Variants in KIF14 observed in about 807,000 individuals in gnomAD.
KIF14 encodes the protein kinesin-like protein KIF14.
KIF14 carries 98 observed loss-of-function variants against 176.2 expected under a neutral mutation model. The observed-to-expected ratio is 0.56, with a 90% CI of 0.47 to 0.66. The LOEUF (loss-of-function observed/expected upper bound fraction) is 0.66. Ranked by LOEUF, KIF14 falls within the 30% of genes least tolerant of loss-of-function variation. KIF14 has a pLI of 0.00. For synonymous variants in KIF14, 566 were observed against 632.2 expected, an observed-to-expected ratio of 0.90 and a Z score of 1.57; for missense variants, 1,751 against 1,920.4, an observed-to-expected ratio of 0.91 and a Z score of 1.65.
At position 200,618,110 on chromosome 1, in the gene KIF14, C is replaced by G. The variant is rs1660499361; in HGVS notation, c.614G>C (p.Arg205Thr). Residue 205 changes from arginine (R) to threonine (T), a missense_variant, in exon 2 of 30, where the codon AGA becomes ACA. Arg to Thr is a moderately conservative substitution (Grantham distance 71). Transcript: ENST00000367350. ...KYKETFSAPS[R>T]ANENVALKYS... ...CTTAAGTGCAACATTTTCATTTGCTCTACTGGGGGCAGAAAATGTTTCTTT... is the reference window on the plus strand; with the variant it reads ...CTTAAGTGCAACATTTTCATTTGCTGTACTGGGGGCAGAAAATGTTTCTTT... 1.2e-6 allele frequency: 2 copies of G among 1,613,912 alleles called. No individual in the cohort carries two copies. The highest frequency in any genetic ancestry group is 1.1e-5 in the South Asian group (1 of 91,086).
intron 18 of KIF14, among the ~76,000 whole-genome samples, chr1:200,586,536 T>A (rs1252777193): frequency 6.6e-6 from 1 of 151,816 alleles, no homozygotes; most frequent in Non-Finnish European, 1.5e-5. Context: ...TAAAATTTCC[T>A]TACAAAATAA....
At chr1:200,615,224 T>A (rs1660353205) in intron 3 of KIF14, 131 bp downstream of exon 3, 2 of 954,280 alleles carry the variant, frequency 2.1e-6, no homozygotes, top group Non-Finnish European at 1.6e-6. Context: ...AGAACTGGTA[T>A]ATAAAATGGA....
chr1:200,553,434 G>T lies in KIF14; in HGVS notation c.4901C>A (p.Ala1634Glu). Residue 1634 changes from alanine to glutamate, a missense_variant, in exon 30 of 30, where the codon GCA becomes GAA. Coordinates refer to ENST00000367350, the MANE Select transcript of KIF14 (RefSeq NM_014875.3). ...RVYELHGSSP[A>E]VSSEECTPSR... ...GGGTGTGCATTCCTCTGAGCTCACT[G>T]CTGGGGATGAGCCATGGAGCTCATA... is the stretch of plus-strand genomic sequence containing the variant. 1 of 1,613,962 alleles carries T rather than the reference G, an allele frequency of 6.2e-7. No individual in the cohort carries two copies. Among genetic ancestry groups the T allele is most frequent in the Non-Finnish European group, 8.5e-7 (1 of 1,179,958 alleles).
At chr1:200,583,917 G>A (rs995145345) in intron 19 of KIF14, among the ~76,000 whole-genome samples, 1 of 151,028 alleles carries the variant, frequency 6.6e-6, no homozygotes, top group African/African-American at 2.4e-5. Context: ...ATTCCAGCCT[G>A]GGCAACAACA....
At chr1:200,587,393 A>G (rs1490699629) in intron 18 of KIF14, among the ~76,000 whole-genome samples, 23 of 148,326 alleles carry the variant, frequency 1.6e-4, no homozygotes, top group Non-Finnish European at 2.5e-4. Context: ...AAAAGAAGAA[A>G]AAAGGACAAA....
At chr1:200,595,518 G>C (rs917780620) in intron 14 of KIF14, among the ~76,000 whole-genome samples, 4 of 152,150 alleles carry the variant, frequency 2.6e-5, no homozygotes, top group Non-Finnish European at 5.9e-5. Context: ...TTCCTTACTG[G>C]ACTCTTAACT....
In KIF14 at chr1:200,600,344, A is replaced by G. The variant is rs769771495; in HGVS notation, c.2300+12T>C. On this transcript the variant is annotated intron_variant, in intron 12 of 29. Coordinates refer to ENST00000367350, the MANE Select transcript of KIF14 (RefSeq NM_014875.3). ...AACACACTTAACATTTAGAGTACTG[A>G]CTGTACTCTACCTTTGCATTTCTGC... 1 of 1,605,072 alleles carries G rather than the reference A, an allele frequency of 6.2e-7. No individual in the cohort carries two copies. The highest frequency in any genetic ancestry group is 8.5e-7 in the Non-Finnish European group (1 of 1,171,854).
intron 10 of KIF14, 79 bp from the exon 11 acceptor site, chr1:200,602,147 TA>T: frequency 8.7e-7 from 1 of 1,150,286 alleles, no homozygotes; most frequent in South Asian, 1.4e-5. Flanking sequence ...CAAAACAAAC[TA>T]ATAGGGTATA....
At chr1:200,586,784 T>C (rs1386078010) in intron 18 of KIF14, among the ~76,000 whole-genome samples, 2 of 54,062 alleles carry the variant, frequency 3.7e-5, no homozygotes, top group African/African-American at 2.2e-4. Flanking sequence ...TATATATATA[T>C]ACATACATAT....
chr1:200,578,095 A>G (rs187044193), intron 21 of KIF14, among the ~76,000 whole-genome samples: 445 of 152,248 alleles, frequency 2.9e-3, no homozygotes, highest in South Asian at 0.012. Context: ...TTATTAGCAT[A>G]AAGTTTTATA....
intron 20 of KIF14, 117 bp from the exon 21 acceptor site, chr1:200,580,500 C>A (rs1658384561): frequency 2.2e-6 from 1 of 454,316 alleles, no homozygotes; most frequent in African/African-American, 2.0e-5. Context: ...TTAAGTCTTT[C>A]CACAGTTAAG....
chr1:200,618,246 T>A lies in KIF14; in HGVS notation c.478A>T (p.Ser160Cys), dbSNP rs1435527450. The change falls in exon 2 of 30, where the codon AGT becomes TGT. Residue 160 changes from serine to cysteine, a missense_variant. By Grantham distance (112) the Ser-to-Cys change is moderately radical. Transcript: ENST00000367350. ...ETENNGVSKE[S>C]RTNVRIVNNA... ...TTTACAATCCTTACATTTGTTCTACTTTCCTTAGAAACACCATTATTTTCT... is the reference window on the plus strand; with the variant it reads ...TTTACAATCCTTACATTTGTTCTACATTCCTTAGAAACACCATTATTTTCT... The A allele has an allele frequency of 6.2e-7, 1 of 1,613,770 alleles. No individual in the cohort carries two copies. The highest frequency in any genetic ancestry group is 8.5e-7 in the Non-Finnish European group (1 of 1,180,034).
At chr1:200,582,774 C>T (rs1415479547) in intron 19 of KIF14, among the ~76,000 whole-genome samples, 8 of 151,490 alleles carry the variant, frequency 5.3e-5, no homozygotes, top group East Asian at 3.9e-4. Flanking sequence ...TGCTTGAAAG[C>T]GGGAGACAGA....
intron 4 of KIF14, among the ~76,000 whole-genome samples, chr1:200,611,251 C>T (rs1480899791): frequency 1.3e-5 from 2 of 152,144 alleles, no homozygotes; most frequent in Non-Finnish European, 2.9e-5. Context: ...AAGTTCAATT[C>T]ACCAAATATT....
At chr1:200,593,585 T>C (rs1028034848) in intron 15 of KIF14, 82 bp downstream of exon 15, 5 of 927,106 alleles carry the variant, frequency 5.4e-6, no homozygotes, top group Admixed American at 2.0e-5. Flanking sequence ...CCTTATCTTA[T>C]AGAGAAAACC....
rs1659083832 is a variant in KIF14 at position 200,592,109 on chromosome 1, T to G, written c.2784A>C (p.Lys928Asn). The G allele has an allele frequency of 1.2e-6, 2 of 1,613,420 alleles. No homozygotes were observed. The highest frequency in any genetic ancestry group is 1.7e-6 in the Non-Finnish European group (2 of 1,179,854). The change falls in exon 16 of 30, where the codon AAA becomes AAC. Residue 928 changes from lysine (K) to asparagine (N), a missense_variant. Coordinates refer to ENST00000367350, the MANE Select transcript of KIF14 (RefSeq NM_014875.3). ...SEGPKDFEFA[K>N]NELLMAQRSQ... is the part of the protein sequence containing the mutation. The stretch of plus-strand genomic sequence containing the variant: ...ATCTCTGTGCCATGAGCAACTCATT[T>G]TTTGCAAATTCAAAGTCTTTTGGAC...
chr1:200,558,456 A>G (rs1474095853), intron 27 of KIF14, among the ~76,000 whole-genome samples: 1 of 152,206 alleles, frequency 6.6e-6, no homozygotes, highest in East Asian at 1.9e-4. Flanking sequence ...AGAATATAAA[A>G]TCCTGGCTCA....
intron 4 of KIF14, among the ~76,000 whole-genome samples, chr1:200,610,254 A>G (rs1404433823): frequency 6.6e-6 from 1 of 152,138 alleles, no homozygotes; most frequent in Non-Finnish European, 1.5e-5. Flanking sequence ...TAATCCTAGC[A>G]CTCTGGGAGG....
chr1:200,570,729 C>T (rs753399886), intron 22 of KIF14, among the ~76,000 whole-genome samples: 3 of 151,870 alleles, frequency 2.0e-5, no homozygotes, highest in Non-Finnish European at 4.4e-5. Flanking sequence ...TTTAAGTGGC[C>T]GAGTTGGGAT....
Sources: gnomAD v4.1 joint callset for allele counts (sites outside exome capture counted in the v4.1 genomes callset) on GRCh38, gnomAD v4.1.1 for gene constraint, MANE v1.5 for transcripts, NCBI Gene and HGNC (gene_info 2026-07-23, HGNC 2026-07-21) for gene names.